Variants in SHQ1 observed in about 807,000 individuals in gnomAD.
The protein encoded by SHQ1 is protein SHQ1 homolog.
A neutral mutation model predicts 53.8 loss-of-function variants in SHQ1; 49 were observed. That is an observed-to-expected ratio of 0.91 (90% CI 0.72 to 1.16). The LOEUF (loss-of-function observed/expected upper bound fraction) is 1.16. Ranked by LOEUF, SHQ1 falls within the 50% of genes most tolerant of loss-of-function variation. The pLI, the probability that SHQ1 is intolerant of heterozygous loss-of-function variation, is 0.00. For missense variants in SHQ1, 738 were observed against 683.1 expected, an observed-to-expected ratio of 1.08 and a Z score of -0.90; for synonymous variants, 243 against 251.0, an observed-to-expected ratio of 0.97 and a Z score of 0.30.
At chr3:72,746,791 T>G (rs1052309621), downstream of SHQ1, among the ~76,000 whole-genome samples, 2 of 152,212 alleles carry the variant, frequency 1.3e-5, no homozygotes, top group African/African-American at 4.8e-5. Context: ...CGTTAAATTT[T>G]TAGACGAGAG....
At chr3:72,818,582 G>T (rs1410964592) in intron 6 of SHQ1, among the ~76,000 whole-genome samples, 1 of 152,128 alleles carries the variant, frequency 6.6e-6, no homozygotes, top group Non-Finnish European at 1.5e-5. Context: ...ATCATTTCCA[G>T]GTTAATAAAT....
Position 72,812,703 on chromosome 3 carries a change from G to A in SHQ1, c.1028C>T (p.Ala343Val), listed in dbSNP as rs757515249. 24 of 1,614,016 alleles carry A rather than the reference G, an allele frequency of 1.5e-5. No homozygotes were observed. Among genetic ancestry groups the A allele is most frequent in the Middle Eastern group, 3.3e-4 (2 of 6,060 alleles). The part of the protein sequence containing the change: ...LYRHFKLVMK[A>V]YRDTIKILQL... ...CAATATCTTTATAGTGTCCCTGTAG[G>A]CCTTCATCACCAGCTTGAAATGGCG... is the stretch of plus-strand genomic sequence containing the variant. The change falls in exon 9 of 11, where the codon GCC becomes GTC. Residue 343 changes from alanine (A) to valine (V), a missense_variant. By Grantham distance (64) the Ala-to-Val change is moderately conservative. Transcript: ENST00000325599.
the SHQ1 span, among the ~76,000 whole-genome samples, chr3:72,732,385 C>CCTTCCTTCCTTT: frequency 6.6e-5 from 8 of 121,190 alleles, no homozygotes; most frequent in African/African-American, 2.5e-4. Flanking sequence ...TGCCTGCCTG[C>CCTTCCTTCCTTT]CTGCCTTCCT....
chr3:72,740,362 T>C, the SHQ1 span, among the ~76,000 whole-genome samples: 4 of 152,218 alleles, frequency 2.6e-5, no homozygotes, highest in Non-Finnish European at 5.9e-5. Flanking sequence ...CTGGCAGCCA[T>C]CTTGAGACAT....
rs151104883 is a variant in SHQ1, at chr3:72,848,331, G to A, written c.10C>T (p.Pro4Ser). The change falls in exon 1 of 11, where the codon CCG (proline) becomes TCG (serine). Residue 4 changes from proline (P) to serine (S), a missense_variant. By Grantham distance (74) the Pro-to-Ser change is moderately conservative. Coordinates refer to ENST00000325599, the MANE Select transcript of SHQ1 (RefSeq NM_018130.3). Reference sequence around the variant, plus strand: ...GGATCCTGGCTGAGGTCGAACGCCGGGGTCAGCATCGCCGCACCGGACGCA... The same window carrying A: ...GGATCCTGGCTGAGGTCGAACGCCGAGGTCAGCATCGCCGCACCGGACGCA... MLT[P>S]AFDLSQDPDF... 5.0e-6 allele frequency: 8 copies of A among 1,613,920 alleles called. No homozygotes were observed. The highest frequency in any genetic ancestry group is 6.8e-6 in the Non-Finnish European group (8 of 1,179,972).
chr3:72,729,572 A>C, the SHQ1 span, among the ~76,000 whole-genome samples: 1 of 152,242 alleles, frequency 6.6e-6, no homozygotes, highest in Non-Finnish European at 1.5e-5. Context: ...AGAAATGCTT[A>C]ATTAAATGTC....
chr3:72,791,588 T>C (rs1706439049), intron 10 of SHQ1, among the ~76,000 whole-genome samples: 1 of 152,244 alleles, frequency 6.6e-6, no homozygotes, highest in Admixed American at 6.5e-5. Flanking sequence ...AAGCATTTAT[T>C]TATCAATCAT....
chr3:72,792,999 G>A lies in SHQ1; in HGVS notation c.1098C>T (p.His366=). 6.2e-7 allele frequency: 1 copy of A among 1,611,722 alleles called. No individual in the cohort carries two copies. The highest frequency in any genetic ancestry group is 8.5e-7 in the Non-Finnish European group (1 of 1,178,504). The change falls in exon 10 of 11, where the codon CAC becomes CAT. Residue 366 remains histidine, a synonymous_variant. Transcript: ENST00000325599. ...CTGGGTCATTTTCCTGAAAAATTTT[G>A]TGAATATCCAGGAGACACTTTAAAA... The part of the protein sequence containing the change: ...SAVLKCLLDI[H]KIFQENDPAY...
At chr3:72,839,641 G>T (rs747148786) in intron 4 of SHQ1, among the ~76,000 whole-genome samples, 23 of 152,282 alleles carry the variant, frequency 1.5e-4, no homozygotes, top group South Asian at 4.1e-4. Flanking sequence ...CAAATAACTG[G>T]CCTGGTATCC....
intron 4 of SHQ1, among the ~76,000 whole-genome samples, chr3:72,838,359 C>T (rs1708061288): frequency 6.6e-6 from 1 of 152,144 alleles, no homozygotes; most frequent in Admixed American, 6.5e-5. Context: ...TGTTTTTCCC[C>T]TACATTAGGG....
intron 1 of SHQ1, 44 bp from the exon 2 acceptor site, chr3:72,844,467 G>A (rs1471576891): frequency 8.3e-6 from 12 of 1,453,248 alleles, no homozygotes; most frequent in East Asian, 6.8e-5. Flanking sequence ...AAATTATAAC[G>A]TAACATAAGT....
chr3:72,736,620 A>G, the SHQ1 span, among the ~76,000 whole-genome samples: 2 of 148,572 alleles, frequency 1.3e-5, no homozygotes, highest in African/African-American at 2.5e-5. Context: ...GTGAAACCCC[A>G]TCTATACTAA....
the SHQ1 span, among the ~76,000 whole-genome samples, chr3:72,739,161 C>T: frequency 6.6e-6 from 1 of 152,242 alleles, no homozygotes; most frequent in Non-Finnish European, 1.5e-5. Context: ...CGAGCAACGT[C>T]TGACTTTGCC....
intron 4 of SHQ1, among the ~76,000 whole-genome samples, chr3:72,833,136 A>G (rs1042030624): frequency 2.6e-5 from 4 of 152,146 alleles, no homozygotes; most frequent in Non-Finnish European, 5.9e-5. Context: ...TTCAGATTTC[A>G]GATCCTGTAA....
At chr3:72,824,343 C>G (rs758668093) in intron 6 of SHQ1, 81 bp downstream of exon 6, 190 of 1,516,732 alleles carry the variant, frequency 1.3e-4, no homozygotes, top group Non-Finnish European at 1.6e-4. Flanking sequence ...CAACTATACG[C>G]TTAATAATAT....
chr3:72,800,607 T>C (rs1404409739), intron 9 of SHQ1, among the ~76,000 whole-genome samples: 2 of 152,238 alleles, frequency 1.3e-5, no homozygotes, highest in Non-Finnish European at 2.9e-5. Flanking sequence ...CTTTCTTCCT[T>C]GGCCTAGAAC....
intron 8 of SHQ1, chr3:72,814,365 G>C (rs1401780530): frequency 6.6e-6 from 1 of 152,188 alleles, no homozygotes; most frequent in Non-Finnish European, 1.5e-5. Flanking sequence ...TCTTCAATAT[G>C]CATACAAACT....
chr3:72,785,629 CA>C (rs1408103242), intron 10 of SHQ1, among the ~76,000 whole-genome samples: 7 of 152,160 alleles, frequency 4.6e-5, no homozygotes, highest in African/African-American at 1.7e-4. Context: ...AACTATGATC[CA>C]AATGCAAAAA....
chr3:72,747,693 A>G (rs930828678), downstream of SHQ1, among the ~76,000 whole-genome samples: 1 of 152,206 alleles, frequency 6.6e-6, no homozygotes, highest in African/African-American at 2.4e-5. Context: ...AACCATCTGA[A>G]AAGATGAGAG....
Sources: gnomAD v4.1 joint callset for allele counts (sites outside exome capture counted in the v4.1 genomes callset) on GRCh38, gnomAD v4.1.1 for gene constraint, MANE v1.5 for transcripts, NCBI Gene and HGNC (gene_info 2026-07-23, HGNC 2026-07-21) for gene names.